Variants in DLGAP2 observed in about 807,000 individuals in gnomAD.
DLGAP2 encodes the protein disks large-associated protein 2.
DLGAP2 carries 26 observed loss-of-function variants against 100.3 expected under a neutral mutation model. That is an observed-to-expected ratio of 0.26 (90% CI 0.19 to 0.36). The LOEUF (loss-of-function observed/expected upper bound fraction) is 0.36. DLGAP2 is among the 10% of genes least tolerant of loss of function. The probability of loss-of-function intolerance (pLI) is 1.00; values close to 1 mark genes in which losing one functional copy is unlikely to be tolerated. For synonymous variants in DLGAP2, 886 were observed against 630.1 expected (o/e 1.41, Z -6.08); for missense variants, 1,858 against 1,453.2 (o/e 1.28, Z -4.53).
intron 2 of DLGAP2, among the ~76,000 whole-genome samples, chr8:1,140,797 AC>A (rs1296125983): frequency 2.0e-5 from 3 of 152,102 alleles, no homozygotes; most frequent in Admixed American, 6.5e-5. Context: ...ACAGGGTGAA[AC>A]CCTGTCTCTA....
chr8:773,008 A>C (rs1366624832), intron 1 of DLGAP2, among the ~76,000 whole-genome samples: 5 of 152,192 alleles, frequency 3.3e-5, no homozygotes, highest in Admixed American at 2.6e-4. Context: ...GTAGGATGGC[A>C]TGGACACACT....
intron 3 of DLGAP2, among the ~76,000 whole-genome samples, chr8:1,277,335 T>C (rs77860679): frequency 0.01 from 1,578 of 152,256 alleles, 67 homozygotes; most frequent in East Asian, 0.074. Flanking sequence ...TATTTCAAAT[T>C]AATCTAGGCA....
chr8:1,455,784 T>A (rs1035420152), intron 3 of DLGAP2, among the ~76,000 whole-genome samples: 2 of 152,080 alleles, frequency 1.3e-5, no homozygotes, highest in Non-Finnish European at 2.9e-5. Context: ...TGCCACTGAG[T>A]GAGTGTGCGG....
At chr8:1,130,062 C>T (rs1796254517) in intron 2 of DLGAP2, among the ~76,000 whole-genome samples, 1 of 151,774 alleles carries the variant, frequency 6.6e-6, no homozygotes, top group African/African-American at 2.4e-5. Context: ...TCATGTCGGG[C>T]ACTTCACGTG....
At chr8:766,240 C>T (rs1272812185) in intron 1 of DLGAP2, among the ~76,000 whole-genome samples, 1 of 152,248 alleles carries the variant, frequency 6.6e-6, no homozygotes, top group Non-Finnish European at 1.5e-5. Context: ...GCTGCACATA[C>T]GTGCACATAT....
intron 2 of DLGAP2, among the ~76,000 whole-genome samples, chr8:1,188,275 T>A (rs191965129): frequency 9.0e-5 from 6 of 66,358 alleles, no homozygotes; most frequent in East Asian, 5.7e-4. Flanking sequence ...CCGGGACCTC[T>A]GTGACGTTTG....
At chr8:1,182,830 G>C (rs79607902) in intron 2 of DLGAP2, among the ~76,000 whole-genome samples, 2 of 151,890 alleles carry the variant, frequency 1.3e-5, no homozygotes, top group Non-Finnish European at 2.9e-5. Context: ...GCAGTGGCGC[G>C]TGGGGGACGG....
intron 3 of DLGAP2, among the ~76,000 whole-genome samples, chr8:1,494,672 G>A (rs954237939): frequency 6.6e-6 from 1 of 152,014 alleles, no homozygotes; most frequent in Non-Finnish European, 1.5e-5. Flanking sequence ...AGGTTACAGT[G>A]AGCTGAGATT....
chr8:1,193,736 G>A lies in DLGAP2; in HGVS notation c.74-65115G>A, dbSNP rs558829514. 7.9e-4 allele frequency among the ~76,000 whole-genome samples: 120 copies of A among 152,178 alleles called. 1 individual carries two copies. The highest frequency in any genetic ancestry group is 1.1e-3 in the Non-Finnish European group (77 of 68,010). On this transcript the variant is annotated intron_variant, in intron 2 of 14. Coordinates refer to ENST00000637795, the MANE Select transcript of DLGAP2 (RefSeq NM_001346810.2). ...CACCTGAGACTCCCGGACAGCATCC[G>A]GGTTGGGGGTCCTGTGGAGCAGATC...
intron 6 of DLGAP2, among the ~76,000 whole-genome samples, chr8:1,623,929 A>G (rs1797424046): frequency 1.3e-5 from 2 of 152,246 alleles, no homozygotes; most frequent in South Asian, 2.1e-4. Context: ...CCATTTTGAA[A>G]TAAAGAGAAT....
intron 4 of DLGAP2, among the ~76,000 whole-genome samples, chr8:1,545,448 G>T (rs1801502299): frequency 6.6e-6 from 1 of 152,164 alleles, no homozygotes; most frequent in Non-Finnish European, 1.5e-5. Context: ...ATGAATAAAT[G>T]ACTATAATTG....
rs1799673945 is a variant in DLGAP2, at chr8:1,705,195, T to C, written c.*3789T>C. ...AAACCTTCGAGGGGCGAGTAGGGAG[T>C]GGGGGAGGTGGGTCCAAGTCTCCCT... On this transcript the variant is annotated 3_prime_UTR_variant, in exon 15 of 15. Coordinates refer to ENST00000637795, the MANE Select transcript of DLGAP2 (RefSeq NM_001346810.2). 1 of 151,666 alleles carries C rather than the reference T, an allele frequency of 6.6e-6. No homozygotes were observed. Among genetic ancestry groups the C allele is most frequent in the Admixed American group, 6.6e-5 (1 of 15,220 alleles). 9.4% of individuals were successfully genotyped at this position (151,666 alleles called of 1,614,324 possible). A position where few individuals can be genotyped will look rare whatever the true frequency, so the allele number is the denominator to read the frequency against.
intron 2 of DLGAP2, among the ~76,000 whole-genome samples, chr8:1,140,820 A>G (rs1403788825): frequency 6.6e-6 from 1 of 152,138 alleles, no homozygotes; most frequent in Non-Finnish European, 1.5e-5. Flanking sequence ...TAAAAATACA[A>G]AAATTAGCTA....
At chr8:1,133,389 T>G (rs1386829209) in intron 2 of DLGAP2, among the ~76,000 whole-genome samples, 36 of 152,300 alleles carry the variant, frequency 2.4e-4, no homozygotes, top group Admixed American at 2.3e-3. Flanking sequence ...TATCATAAAA[T>G]TATATTGATC....
chr8:1,037,743 T>G (rs777467285), intron 2 of DLGAP2, among the ~76,000 whole-genome samples: 1 of 152,184 alleles, frequency 6.6e-6, no homozygotes, highest in South Asian at 2.1e-4. Flanking sequence ...TTTAGCCGCT[T>G]TGGGCCGTTA....
chr8:1,652,266 C>T (rs1001412909), intron 8 of DLGAP2, among the ~76,000 whole-genome samples: 1 of 152,164 alleles, frequency 6.6e-6, no homozygotes, highest in African/African-American at 2.4e-5. Flanking sequence ...GAGCCCACCA[C>T]GTTCCTCATC....
intron 2 of DLGAP2, among the ~76,000 whole-genome samples, chr8:1,055,348 A>G (rs1450806281): frequency 6.6e-6 from 1 of 152,234 alleles, no homozygotes; most frequent in African/African-American, 2.4e-5. Context: ...ATTTCAAATC[A>G]GAGTCACAGT....
intron 3 of DLGAP2, among the ~76,000 whole-genome samples, chr8:1,446,373 G>C (rs1397364991): frequency 1.7e-4 from 26 of 152,012 alleles, no homozygotes; most frequent in African/African-American, 5.8e-4. Flanking sequence ...GCTTATTTTT[G>C]TCAGGTTTGT....
At chr8:1,613,969 C>G (rs1205025834) in intron 6 of DLGAP2, among the ~76,000 whole-genome samples, 4 of 152,206 alleles carry the variant, frequency 2.6e-5, no homozygotes, top group Admixed American at 6.5e-5. Flanking sequence ...CAAATATGAA[C>G]AGTAAGGCCA....
Sources: allele counts gnomAD v4.1 joint callset (sites outside exome capture counted in the v4.1 genomes callset), GRCh38; gene constraint gnomAD v4.1.1; transcripts MANE v1.5; gene names NCBI Gene and HGNC (gene_info 2026-07-23, HGNC 2026-07-21).